GABRR1: variants seen among roughly 807,000 people sequenced by gnomAD.
The protein encoded by GABRR1 is gamma-aminobutyric acid type A receptor subunit rho1.
GABRR1 carries 59 observed loss-of-function variants against 55.5 expected under a neutral mutation model. That is an observed-to-expected ratio of 1.06 (90% confidence interval 0.86 to 1.32). GABRR1 has a LOEUF of 1.32. Among genes scored for constraint, GABRR1 ranks in the 40% most tolerant of loss-of-function variants. The pLI, the probability that GABRR1 is intolerant of heterozygous loss-of-function variation, is 0.00. For synonymous variants in GABRR1, 213 were observed against 226.0 expected (o/e 0.94, Z 0.51); for missense variants, 602 against 619.1 (o/e 0.97, Z 0.29).
chr6:89,182,045 C>A lies in GABRR1; in HGVS notation c.809G>T (p.Arg270Leu). Residue 270 changes from arginine to leucine, a missense_variant, in exon 8 of 10, where the codon CGT becomes CTT. Arg to Leu is a moderately radical substitution (Grantham distance 102). This residue lies in a region of GABRR1 where 435 missense variants were observed against 424.2 expected (regional missense o/e 1.03). Coordinates refer to ENST00000454853, the MANE Select transcript of GABRR1 (RefSeq NM_002042.5). ...AFYSSTGWYN[R>L]LYINFTLRRH... is the part of the protein sequence containing the mutation. ...ACGCAACGTGAAATTAATGTAGAGA[C>A]GGTTGTACCAGCCTGGGGGACACAG... 6.2e-7 allele frequency: 1 copy of A among 1,613,966 alleles called. No individual in the cohort carries two copies. Among genetic ancestry groups the A allele is most frequent in the South Asian group, 1.1e-5 (1 of 91,056 alleles).
At chr6:89,211,710 A>C (rs1387096183) in intron 1 of GABRR1, among the ~76,000 whole-genome samples, 1 of 152,162 alleles carries the variant, frequency 6.6e-6, no homozygotes, top group African/African-American at 2.4e-5. Flanking sequence ...TGAAGAGCTC[A>C]TTGCCCAGTG....
chr6:89,194,361 A>G (rs565676346), intron 5 of GABRR1, among the ~76,000 whole-genome samples: 14 of 152,322 alleles, frequency 9.2e-5, no homozygotes, highest in African/African-American at 3.1e-4. Context: ...TTAAGGTGCC[A>G]CCTGGAGCTG....
rs773405441 is a variant in GABRR1 at position 89,182,022 on chromosome 6, G to A, written c.832C>T (p.Arg278Cys). Residue 278 changes from arginine to cysteine, a missense_variant, in exon 8 of 10, where the codon CGT becomes TGT. This residue lies in a region of GABRR1 where 435 missense variants were observed against 424.2 expected (regional missense o/e 1.03). Transcript: ENST00000454853. ...AGCAAGAAGAAGAAGATGTGGCGACGCAACGTGAAATTAATGTAGAGACGG... is the reference window on the plus strand; with the variant it reads ...AGCAAGAAGAAGAAGATGTGGCGACACAACGTGAAATTAATGTAGAGACGG... The part of the protein sequence containing the change: ...YNRLYINFTL[R>C]RHIFFFLLQT... 1.6e-4 allele frequency: 254 copies of A among 1,613,988 alleles called. No homozygotes were observed. Among genetic ancestry groups the A allele is most frequent in the Middle Eastern group, 4.9e-4 (3 of 6,084 alleles).
chr6:89,225,207 C>T (rs943145935), intron 1 of GABRR1, among the ~76,000 whole-genome samples: 97 of 151,316 alleles, frequency 6.4e-4, no homozygotes, highest in African/African-American at 2.3e-3. Flanking sequence ...GCCAATTATC[C>T]CAGCACCATT....
At chr6:89,222,780 G>T (rs1773132224) in intron 1 of GABRR1, among the ~76,000 whole-genome samples, 1 of 152,160 alleles carries the variant, frequency 6.6e-6, no homozygotes, top group South Asian at 2.1e-4. Context: ...AAATTTTCAT[G>T]ATTGATGAGA....
chr6:89,221,868 G>A (rs1411151178), upstream of GABRR1, among the ~76,000 whole-genome samples: 3 of 152,124 alleles, frequency 2.0e-5, no homozygotes, highest in Admixed American at 6.5e-5. Context: ...TCACTGTATC[G>A]TCAAGCCTAC....
At chr6:89,211,115 G>C (rs1772821955) in intron 1 of GABRR1, among the ~76,000 whole-genome samples, 1 of 152,148 alleles carries the variant, frequency 6.6e-6, no homozygotes, top group Non-Finnish European at 1.5e-5. Context: ...CAAAAGACCA[G>C]GAAGCACAAA....
intron 5 of GABRR1, 58 bp from the exon 6 acceptor site, chr6:89,190,305 T>C (rs1307116141): frequency 8.7e-6 from 11 of 1,261,516 alleles, no homozygotes; most frequent in Non-Finnish European, 3.4e-6. Flanking sequence ...GAGTGCAAAA[T>C]GATAAATGGA....
chr6:89,217,183 C>G lies in GABRR1; in HGVS notation c.122+18G>C, dbSNP rs1426093214. ...CATCCTCTTTTCCTAAATCCTCTAT[C>G]CCTAAATGTCCACTCACCTGCCTTT... On this transcript the variant is annotated intron_variant, in intron 1 of 9. Coordinates refer to ENST00000454853, the MANE Select transcript of GABRR1 (RefSeq NM_002042.5). 4 of 1,613,170 alleles carry G rather than the reference C, an allele frequency of 2.5e-6. No individual in the cohort carries two copies. The highest frequency in any genetic ancestry group is 3.4e-6 in the Non-Finnish European group (4 of 1,179,614).
intron 1 of GABRR1, chr6:89,204,537 G>C: frequency 4.7e-6 from 4 of 857,658 alleles, no homozygotes; most frequent in Non-Finnish European, 6.2e-6. Flanking sequence ...CCTAAAAAGG[G>C]AGACAGGAGG....
Position 89,197,977 on chromosome 6 carries a change from A to G in GABRR1, c.572+43T>C, listed in dbSNP as rs376706946. 2.3e-5 allele frequency: 36 copies of G among 1,570,540 alleles called. No individual in the cohort carries two copies. The African/African-American group carries it at 4.5e-4, about 19-fold the overall frequency. ...AACCCAAATTGCTGTTGTGAAACCA[A>G]TGCTTTTCTTGGTTAATATGAATGA... On this transcript the variant is annotated intron_variant, in intron 5 of 9. Transcript: ENST00000454853.
chr6:89,190,014 C>A (rs1772035164), intron 6 of GABRR1, 151 bp downstream of exon 6: 1 of 438,974 alleles, frequency 2.3e-6, no homozygotes, highest in Non-Finnish European at 4.0e-6. Context: ...CCACGGCATT[C>A]CAGCCCAGGC....
At chr6:89,207,250 A>G (rs1420725072) in intron 1 of GABRR1, among the ~76,000 whole-genome samples, 1 of 152,066 alleles carries the variant, frequency 6.6e-6, no homozygotes, top group African/African-American at 2.4e-5. Flanking sequence ...GCTACAATGC[A>G]GTGGCACAAT....
chr6:89,207,442 G>A (rs998648994), intron 1 of GABRR1, among the ~76,000 whole-genome samples: 5 of 152,080 alleles, frequency 3.3e-5, no homozygotes, highest in East Asian at 1.9e-4. Context: ...CGATCTGCCC[G>A]CCTCGGCCTC....
At chr6:89,186,380 A>G (rs914754217) in intron 6 of GABRR1, among the ~76,000 whole-genome samples, 5 of 152,238 alleles carry the variant, frequency 3.3e-5, no homozygotes, top group African/African-American at 1.2e-4. Flanking sequence ...CATCAGTTGA[A>G]AGGCCTTAGA....
At chr6:89,218,690 G>C (rs1399228976), upstream of GABRR1, among the ~76,000 whole-genome samples, 1 of 152,194 alleles carries the variant, frequency 6.6e-6, no homozygotes. Context: ...CCCTATTTGA[G>C]AATAATGTTC....
At chr6:89,224,002 C>T (rs888552621) in intron 1 of GABRR1, among the ~76,000 whole-genome samples, 3 of 151,932 alleles carry the variant, frequency 2.0e-5, no homozygotes, top group Admixed American at 6.6e-5. Flanking sequence ...ACCTCATGAT[C>T]TGCCTGCCTC....
At chr6:89,179,418 T>A (rs936801674) in intron 9 of GABRR1, among the ~76,000 whole-genome samples, 1 of 152,084 alleles carries the variant, frequency 6.6e-6, no homozygotes, top group African/African-American at 2.4e-5. Context: ...CGAGGTTTCA[T>A]CATGTTGGCC....
At chr6:89,181,161 T>C (rs1427989845) in intron 8 of GABRR1, among the ~76,000 whole-genome samples, 2 of 152,244 alleles carry the variant, frequency 1.3e-5, no homozygotes. Flanking sequence ...CATCTGTCCA[T>C]GGAAATTTGC....
Sources: allele counts gnomAD v4.1 joint callset (sites outside exome capture counted in the v4.1 genomes callset), GRCh38; gene constraint gnomAD v4.1.1; regional missense constraint gnomAD v4.1.1; transcripts MANE v1.5; gene names NCBI Gene and HGNC (gene_info 2026-07-23, HGNC 2026-07-21).